Variants in MCM5 observed in about 807,000 individuals in gnomAD.
MCM5 encodes the protein minichromosome maintenance complex component 5.
Under a neutral mutation model 79.9 loss-of-function variants are expected in MCM5, and 46 were observed. The ratio of observed to expected loss-of-function variants is 0.58; its 90% CI spans 0.45 to 0.74. MCM5 has a LOEUF of 0.74. Among genes scored for constraint, MCM5 ranks in the 30% least tolerant of loss-of-function variants. The probability of loss-of-function intolerance (pLI) is 0.00; values close to 1 mark genes in which losing one functional copy is unlikely to be tolerated. For synonymous variants in MCM5, 404 were observed against 390.5 expected, an observed-to-expected ratio of 1.03 and a Z score of -0.41; for missense variants, 883 against 1,017.0, an observed-to-expected ratio of 0.87 and a Z score of 1.79.
chr22:35,404,959 A>G (rs1393027312), intron 4 of MCM5, among the ~76,000 whole-genome samples: 1 of 152,072 alleles, frequency 6.6e-6, no homozygotes, highest in African/African-American at 2.4e-5. Flanking sequence ...ATATAAAGAG[A>G]ATCGTATAAC....
the MCM5 span, among the ~76,000 whole-genome samples, chr22:35,455,005 A>G: frequency 2.6e-5 from 4 of 151,888 alleles, no homozygotes; most frequent in African/African-American, 9.7e-5. Context: ...ATAATAGTTT[A>G]TAATAATAAT....
At chr22:35,432,446 G>A in the MCM5 span, among the ~76,000 whole-genome samples, 5 of 152,242 alleles carry the variant, frequency 3.3e-5, no homozygotes, top group South Asian at 2.1e-4. Flanking sequence ...ACTGTGTGAC[G>A]GTTCTGTTCA....
chr22:35,400,594 C>T lies in MCM5; in HGVS notation c.156C>T (p.Thr52=). The stretch of plus-strand genomic sequence containing the variant: ...TGGGCACCGACCGCACGGGCTTCAC[C>T]TTCAAATACAGGTGCGGCTCCTGCG... ...YRVGTDRTGF[T]FKYRDELKRH... Residue 52 remains threonine, a synonymous_variant, in exon 2 of 17, where the codon ACC becomes ACT. Transcript: ENST00000216122. 2.5e-6 allele frequency: 4 copies of T among 1,608,588 alleles called. No individual in the cohort carries two copies. In the South Asian group the frequency reaches 4.4e-5, roughly 18 times the overall value.
intron 6 of MCM5, chr22:35,409,959 A>C (rs1932327695): frequency 1.3e-5 from 2 of 152,464 alleles, no homozygotes; most frequent in Admixed American, 1.3e-4. Context: ...CAAGCAGTTC[A>C]TGAATCCTGA....
At chr22:35,401,832 A>C (rs1932063207) in intron 2 of MCM5, 1 of 394,402 alleles carries the variant, frequency 2.5e-6, no homozygotes, top group Admixed American at 3.0e-5. Context: ...GACTTAGGGA[A>C]GTTTTCCGGG....
downstream of MCM5, among the ~76,000 whole-genome samples, chr22:35,430,329 G>A (rs893833251): frequency 6.6e-6 from 1 of 152,224 alleles, no homozygotes; most frequent in Non-Finnish European, 1.5e-5. Context: ...AGTATAGTGA[G>A]AGTATAGGAA....
At chr22:35,451,373 G>C in the MCM5 span, among the ~76,000 whole-genome samples, 1 of 152,270 alleles carries the variant, frequency 6.6e-6, no homozygotes, top group Admixed American at 6.5e-5. Flanking sequence ...CCTCAGCAAG[G>C]CGAAGAGATC....
At chr22:35,430,248 CCT>C (rs1932803597), downstream of MCM5, among the ~76,000 whole-genome samples, 1 of 152,204 alleles carries the variant, frequency 6.6e-6, no homozygotes, top group Admixed American at 6.5e-5. Flanking sequence ...AGCTGTGTGC[CCT>C]GAGTTCAGTT....
chr22:35,448,812 A>G, the MCM5 span, among the ~76,000 whole-genome samples: 1 of 152,238 alleles, frequency 6.6e-6, no homozygotes, highest in Admixed American at 6.5e-5. Context: ...TGGAGTGACT[A>G]GACCGGGCTT....
intron 6 of MCM5, among the ~76,000 whole-genome samples, chr22:35,409,185 G>A (rs940063645): frequency 4.6e-5 from 7 of 152,116 alleles, no homozygotes; most frequent in African/African-American, 1.2e-4. Flanking sequence ...GGATGGTCTC[G>A]ATCTCCTGAC....
At chr22:35,445,806 C>T in the MCM5 span, among the ~76,000 whole-genome samples, 3 of 152,260 alleles carry the variant, frequency 2.0e-5, no homozygotes, top group East Asian at 1.9e-4. Context: ...CCACCACACT[C>T]GGCCCTGCAT....
chr22:35,430,268 C>T (rs1326477642), downstream of MCM5, among the ~76,000 whole-genome samples: 1 of 152,230 alleles, frequency 6.6e-6, no homozygotes, highest in African/African-American at 2.4e-5. Flanking sequence ...GTTTATCTTC[C>T]TGGGTCTCTG....
intron 14 of MCM5, among the ~76,000 whole-genome samples, chr22:35,420,372 C>G (rs1049726253): frequency 2.0e-5 from 3 of 152,194 alleles, no homozygotes; most frequent in African/African-American, 7.2e-5. Flanking sequence ...CTCTGGCCCT[C>G]AGTGCTTTTA....
downstream of MCM5, among the ~76,000 whole-genome samples, chr22:35,428,970 C>CTTTT (rs35549972): frequency 1.6e-3 from 102 of 65,530 alleles, 1 homozygote; most frequent in Middle Eastern, 0.019. Context: ...TTTCTTTGAC[C>CTTTT]TTTTTTTTTT....
chr22:35,438,978 T>C, the MCM5 span, among the ~76,000 whole-genome samples: 2 of 144,732 alleles, frequency 1.4e-5, no homozygotes, highest in Non-Finnish European at 3.0e-5. Flanking sequence ...TATTCATCCA[T>C]CCATCTACCC....
chr22:35,440,219 T>A, the MCM5 span, among the ~76,000 whole-genome samples: 3 of 152,088 alleles, frequency 2.0e-5, 1 homozygote, highest in South Asian at 6.2e-4. Flanking sequence ...GTGAAAAAAA[T>A]AATGAGAAAC....
At chr22:35,406,293 G>GCCCCCCCCC (rs751051553) in intron 4 of MCM5, among the ~76,000 whole-genome samples, 3 of 89,732 alleles carry the variant, frequency 3.3e-5, no homozygotes, top group South Asian at 3.2e-4. Context: ...CTCTTGCCCT[G>GCCCCCCCCC]CCACCTCCCC....
chr22:35,444,347 C>T, the MCM5 span, among the ~76,000 whole-genome samples: 2 of 152,092 alleles, frequency 1.3e-5, no homozygotes, highest in Non-Finnish European at 2.9e-5. Context: ...GAGCAGAGGG[C>T]GTTAGGCAGG....
At position 35,406,730 on chromosome 22, in the gene MCM5, G is replaced by A; in HGVS notation, c.596+5G>A. The A allele has an allele frequency of 6.2e-7, 1 of 1,605,706 alleles. No individual in the cohort carries two copies. ...CCTGCCCAGGAAGTGCAACACGTGA[G>A]TCTGTGGCCCAGAGGGACTGTGGGA... On this transcript the variant is annotated splice_donor_5th_base_variant and intron_variant, in intron 5 of 16. Transcript: ENST00000216122.
Sources: gnomAD v4.1 joint callset for allele counts (sites outside exome capture counted in the v4.1 genomes callset) on GRCh38, gnomAD v4.1.1 for gene constraint, MANE v1.5 for transcripts, NCBI Gene and HGNC (gene_info 2026-07-23, HGNC 2026-07-21) for gene names.